The following RMDN2 variants were observed in gnomAD, a reference collection of about 807,000 sequenced individuals.
RMDN2 encodes the protein regulator of microtubule dynamics protein 2.
Under a neutral mutation model 52.8 loss-of-function variants are expected in RMDN2, and 61 were observed. The observed-to-expected ratio is 1.16, with a 90% CI of 0.94 to 1.43. The LOEUF is 1.43. RMDN2 is among the 40% of genes most tolerant of loss of function. The pLI, the probability that RMDN2 is intolerant of heterozygous loss-of-function variation, is 0.00. For missense variants in RMDN2, 592 were observed against 475.3 expected (o/e 1.25, Z -2.28); for synonymous variants, 180 against 153.1 (o/e 1.18, Z -1.30).
intron 2 of RMDN2, among the ~76,000 whole-genome samples, chr2:37,932,460 C>T (rs867714237): frequency 4.7e-4 from 71 of 149,484 alleles, no homozygotes; most frequent in African/African-American, 1.3e-3. Context: ...CCATGTCTAC[C>T]TCTTTCTACA....
intron 6 of RMDN2, among the ~76,000 whole-genome samples, chr2:37,990,410 T>A (rs1167037557): frequency 1.4e-5 from 2 of 146,050 alleles, no homozygotes; most frequent in African/African-American, 5.1e-5. Flanking sequence ...TCCCAGCTAC[T>A]TGGGAGGCTG....
At chr2:37,967,690 C>G (rs1401615853) in intron 2 of RMDN2, among the ~76,000 whole-genome samples, 1 of 152,238 alleles carries the variant, frequency 6.6e-6, no homozygotes, top group Non-Finnish European at 1.5e-5. Context: ...TACTCCTGCT[C>G]ATTCCTCTCA....
chr2:38,027,562 C>T (rs928815807), intron 10 of RMDN2, among the ~76,000 whole-genome samples: 5 of 151,996 alleles, frequency 3.3e-5, no homozygotes, highest in East Asian at 1.9e-4. Context: ...TGCTTCCACT[C>T]GATAAAATAA....
At chr2:38,011,527 ATATT>A (rs1677998710) in intron 10 of RMDN2, among the ~76,000 whole-genome samples, 1 of 152,192 alleles carries the variant, frequency 6.6e-6, no homozygotes, top group African/African-American at 2.4e-5. Context: ...ACAAGTTCCA[ATATT>A]TATTGTGATC....
chr2:38,057,622 C>G (rs1404636176), intron 10 of RMDN2, among the ~76,000 whole-genome samples: 1 of 152,130 alleles, frequency 6.6e-6, no homozygotes, highest in African/African-American at 2.4e-5. Flanking sequence ...TGTCCCCACT[C>G]AAATCTCATA....
chr2:38,004,403 A>T (rs560482898), intron 10 of RMDN2, among the ~76,000 whole-genome samples, 187 bp downstream of exon 10: 3 of 152,252 alleles, frequency 2.0e-5, no homozygotes, highest in Non-Finnish European at 4.4e-5. Context: ...TTTGATAGAC[A>T]TATACATTAT....
chr2:37,940,727 G>C (rs1011116771), intron 2 of RMDN2, among the ~76,000 whole-genome samples: 7 of 152,052 alleles, frequency 4.6e-5, no homozygotes, highest in African/African-American at 1.2e-4. Context: ...GTGTTTTTCA[G>C]CTCCATCAGG....
chr2:37,944,494 G>C (rs1668059413), intron 2 of RMDN2, among the ~76,000 whole-genome samples: 1 of 152,116 alleles, frequency 6.6e-6, no homozygotes, highest in Non-Finnish European at 1.5e-5. Flanking sequence ...AGGCCCACAG[G>C]GTGTAGTTTG....
downstream of RMDN2, chr2:38,017,826 C>A: frequency 4.6e-6 from 1 of 215,338 alleles, no homozygotes; most frequent in Non-Finnish European, 9.7e-6. Context: ...TGGGTGCAGG[C>A]AGACTGAGTC....
chr2:37,932,906 G>C (rs1296861459), intron 2 of RMDN2, among the ~76,000 whole-genome samples: 1 of 150,142 alleles, frequency 6.7e-6, no homozygotes, highest in Non-Finnish European at 1.5e-5. Context: ...GGCTGGCCGG[G>C]CGGGGGGCTG....
intron 2 of RMDN2, among the ~76,000 whole-genome samples, chr2:37,961,144 G>A (rs544354502): frequency 6.6e-6 from 1 of 152,184 alleles, no homozygotes; most frequent in Admixed American, 6.5e-5. Flanking sequence ...TTCAAGCTTG[G>A]TGAATCTGAT....
chr2:37,976,019 C>T, intron 4 of RMDN2, among the ~76,000 whole-genome samples: 1 of 152,158 alleles, frequency 6.6e-6, no homozygotes, highest in Non-Finnish European at 1.5e-5. Context: ...GTTAAAGTAA[C>T]ACATCTTACT....
At chr2:38,031,810 G>A (rs770879560) in intron 10 of RMDN2, among the ~76,000 whole-genome samples, 3 of 152,086 alleles carry the variant, frequency 2.0e-5, no homozygotes, top group African/African-American at 7.2e-5. Context: ...CGCCTTCCTC[G>A]GGATGCCTGG....
At chr2:38,047,247 A>G (rs1681328454) in intron 10 of RMDN2, among the ~76,000 whole-genome samples, 1 of 152,248 alleles carries the variant, frequency 6.6e-6, no homozygotes, top group African/African-American at 2.4e-5. Context: ...AGAAATAAAT[A>G]ATACTTGAAA....
intron 2 of RMDN2, among the ~76,000 whole-genome samples, chr2:37,972,697 T>G (rs1354356415): frequency 2.0e-5 from 3 of 152,082 alleles, no homozygotes. Flanking sequence ...GATGAGATGA[T>G]GGAGGCTTAG....
chr2:38,004,089 C>T (rs373060847), intron 9 of RMDN2, 45 bp downstream of exon 9: 15 of 1,601,728 alleles, frequency 9.4e-6, no homozygotes, highest in South Asian at 6.6e-5. Flanking sequence ...TTGAACCTAT[C>T]GCATAAAAAC....
At chr2:38,015,713 G>A (rs1458389966) in intron 10 of RMDN2, among the ~76,000 whole-genome samples, 2 of 152,274 alleles carry the variant, frequency 1.3e-5, no homozygotes, top group Middle Eastern at 3.4e-3. Context: ...ACCAGCATCC[G>A]GGCAAGAAAG....
intron 1 of RMDN2, among the ~76,000 whole-genome samples, chr2:37,927,326 G>C (rs1666359190): frequency 6.6e-6 from 1 of 152,182 alleles, no homozygotes; most frequent in Non-Finnish European, 1.5e-5. Flanking sequence ...TCCCAGTTGG[G>C]TGATCACTGG....
chr2:37,991,158 G>A, intron 6 of RMDN2, 62 bp from the exon 7 acceptor site: 1 of 883,690 alleles, frequency 1.1e-6, no homozygotes, highest in Non-Finnish European at 1.8e-6. Context: ...AGGCTTTGGT[G>A]TAGTTCCAGT....
Sources: gnomAD v4.1 joint callset for allele counts (sites outside exome capture counted in the v4.1 genomes callset) on GRCh38, gnomAD v4.1.1 for gene constraint, MANE v1.5 for transcripts, NCBI Gene and HGNC (gene_info 2026-07-23, HGNC 2026-07-21) for gene names.